The following SLC7A2 variants were observed in gnomAD, a reference collection of about 807,000 sequenced individuals.
The protein encoded by SLC7A2 is solute carrier family 7 member 2.
In SLC7A2, 48 loss-of-function variants were observed where a neutral mutation model predicts 58.9. That is an observed-to-expected ratio of 0.82 (90% CI 0.65 to 1.04). The LOEUF is 1.04. Ranked by LOEUF, SLC7A2 falls within the 50% of genes least tolerant of loss-of-function variation. SLC7A2 has a pLI of 0.00. For missense variants in SLC7A2, 1,029 were observed against 818.8 expected (o/e 1.26, Z -3.13); for synonymous variants, 363 against 314.5 (o/e 1.15, Z -1.63).
Position 17,568,362 on chromosome 8 carries a change from G to A in SLC7A2, c.*3216G>A, listed in dbSNP as rs1803362729. 6.6e-6 allele frequency: 1 copy of A among 151,940 alleles called. No homozygotes were observed. Among genetic ancestry groups the A allele is most frequent in the African/African-American group, 2.4e-5 (1 of 41,378 alleles). The allele number at this position is 151,940 out of a possible 1,614,324, so 9.4% of individuals were successfully genotyped here. A position where few individuals can be genotyped will look rare whatever the true frequency, so the allele number is the denominator to read the frequency against. On this transcript the variant is annotated 3_prime_UTR_variant, in exon 13 of 13. Coordinates refer to ENST00000494857, the MANE Select transcript of SLC7A2 (RefSeq NM_001370338.1). ...GAGGAAAACTTATATTAGAACTTTTGATATATACTAAAATACTGATTATCT... is the reference window on the plus strand; with the variant it reads ...GAGGAAAACTTATATTAGAACTTTTAATATATACTAAAATACTGATTATCT...
In SLC7A2 at chr8:17,565,255, A is replaced by G. The variant is rs569984863; in HGVS notation, c.*109A>G. On this transcript the variant is annotated 3_prime_UTR_variant, in exon 13 of 13. Coordinates refer to ENST00000494857, the MANE Select transcript of SLC7A2 (RefSeq NM_001370338.1). ...GGGTTGTCATGGGTTTGCTGCATAC[A>G]TAGTTCACCCTAATTTATACTTACT... 161 of 808,672 alleles carry G rather than the reference A, an allele frequency of 2.0e-4. No individual in the cohort carries two copies. The highest frequency in any genetic ancestry group is 2.0e-4 in the Non-Finnish European group (104 of 514,300). The allele number at this position is 808,672 out of a possible 1,614,324, so 50.1% of individuals were successfully genotyped here.
At chr8:17,497,816 G>T (rs1044712073) in intron 1 of SLC7A2, among the ~76,000 whole-genome samples, 1 of 152,206 alleles carries the variant, frequency 6.6e-6, no homozygotes, top group Non-Finnish European at 1.5e-5. Flanking sequence ...GTATTTTAAA[G>T]TAACTGGGTG....
chr8:17,558,971 A>T (rs1181569250), intron 9 of SLC7A2, among the ~76,000 whole-genome samples: 1 of 152,362 alleles, frequency 6.6e-6, no homozygotes, highest in South Asian at 2.1e-4. Flanking sequence ...GAAATCATAT[A>T]TGCCGATATA....
chr8:17,562,216 G>A, intron 11 of SLC7A2, 106 bp downstream of exon 11: 1 of 608,636 alleles, frequency 1.6e-6, no homozygotes, highest in Non-Finnish European at 2.4e-6. Flanking sequence ...TTTTTTTTTT[G>A]GAGATGGAAT....
At chr8:17,532,312 T>G (rs997863693) in intron 2 of SLC7A2, among the ~76,000 whole-genome samples, 6 of 131,456 alleles carry the variant, frequency 4.6e-5, no homozygotes, top group Admixed American at 1.6e-4. Flanking sequence ...TAGTCATGGC[T>G]TTCCCCAGGA....
chr8:17,525,773 C>T (rs930263029), intron 2 of SLC7A2, among the ~76,000 whole-genome samples: 4 of 152,186 alleles, frequency 2.6e-5, no homozygotes, highest in Admixed American at 1.3e-4. Context: ...CCAGCACATT[C>T]CTGCAAGCGG....
intron 2 of SLC7A2, among the ~76,000 whole-genome samples, chr8:17,506,820 G>A (rs1352960068): frequency 2.7e-5 from 4 of 149,916 alleles, no homozygotes; most frequent in African/African-American, 7.4e-5. Context: ...GCGCAATCTC[G>A]GCTCATGTGA....
chr8:17,551,682 G>A (rs1251255962), intron 6 of SLC7A2, 82 bp from the exon 7 acceptor site: 4 of 1,004,124 alleles, frequency 4.0e-6, no homozygotes, highest in African/African-American at 3.2e-5. Context: ...CCCTGGAGAA[G>A]AGGAAGAATT....
chr8:17,547,042 T>A (rs1298259732), intron 4 of SLC7A2, among the ~76,000 whole-genome samples: 1 of 152,198 alleles, frequency 6.6e-6, no homozygotes, highest in Non-Finnish European at 1.5e-5. Context: ...CATAATCTGT[T>A]GTACATGGCA....
In SLC7A2 at chr8:17,553,809, A is replaced by G. The variant is rs148905558; in HGVS notation, c.1056-751A>G. The stretch of plus-strand genomic sequence containing the variant: ...AATAAATCAATAAGAAGGATTTTTA[A>G]ATAAAATACTTTTTTTGTTTTCTCT... On this transcript the variant is annotated intron_variant, in intron 7 of 12. Transcript: ENST00000494857. Among the ~76,000 whole-genome samples, 806 of 152,324 alleles carry G rather than the reference A, an allele frequency of 5.3e-3. 6 individuals carry two copies. The highest frequency in any genetic ancestry group is 0.018 in the African/African-American group (728 of 41,560).
intron 2 of SLC7A2, chr8:17,511,242 T>C (rs1800592230): frequency 1.3e-5 from 2 of 152,130 alleles, no homozygotes; most frequent in Admixed American, 6.6e-5. Flanking sequence ...TCTGCACTTA[T>C]ATCCTGGAAC....
intron 2 of SLC7A2, among the ~76,000 whole-genome samples, chr8:17,532,229 C>CA (rs534441508): frequency 0.049 from 2,274 of 46,110 alleles, 303 homozygotes; most frequent in African/African-American, 0.2. Context: ...GACTCTATCT[C>CA]AAAAAAAAAA....
chr8:17,511,323 G>A (rs981576489), intron 2 of SLC7A2: 6 of 152,088 alleles, frequency 3.9e-5, no homozygotes, highest in Non-Finnish European at 8.8e-5. Context: ...TTCATCCCTA[G>A]TCCTGCAGCG....
intron 8 of SLC7A2, 99 bp downstream of exon 8, chr8:17,554,798 CAAG>C: frequency 6.9e-7 from 1 of 1,453,734 alleles, no homozygotes; most frequent in East Asian, 2.3e-5. Context: ...TTTTGATTTC[CAAG>C]AAGTTCAGTC....
intron 2 of SLC7A2, among the ~76,000 whole-genome samples, chr8:17,529,720 C>A (rs1005169524): frequency 6.6e-6 from 1 of 151,856 alleles, no homozygotes; most frequent in East Asian, 1.9e-4. Flanking sequence ...TTTTTAGTAA[C>A]GATGGGGTTT....
At chr8:17,543,189 AACACACACAC>A (rs112878892) in intron 2 of SLC7A2, 119 bp from the exon 3 acceptor site, 21 of 673,584 alleles carry the variant, frequency 3.1e-5, no homozygotes, top group Middle Eastern at 4.3e-4. Flanking sequence ...TAACAAGTGA[AACACACACAC>A]ACACACACAC....
At chr8:17,523,709 A>G (rs1801107930) in intron 2 of SLC7A2, among the ~76,000 whole-genome samples, 1 of 152,204 alleles carries the variant, frequency 6.6e-6, no homozygotes, top group Non-Finnish European at 1.5e-5. Context: ...TTAGGCAAAG[A>G]GTTCATGACC....
At chr8:17,559,033 C>G (rs1441185243) in intron 9 of SLC7A2, among the ~76,000 whole-genome samples, 2 of 152,162 alleles carry the variant, frequency 1.3e-5, no homozygotes, top group African/African-American at 2.4e-5. Flanking sequence ...GTGATTAACA[C>G]TGGCTGATGG....
chr8:17,509,675 C>T (rs953530973), intron 2 of SLC7A2, among the ~76,000 whole-genome samples: 2 of 152,042 alleles, frequency 1.3e-5, no homozygotes, highest in South Asian at 2.1e-4. Flanking sequence ...TTTATTTTTT[C>T]GCCTCCAACA....
Sources: allele counts gnomAD v4.1 joint callset (sites outside exome capture counted in the v4.1 genomes callset), GRCh38; gene constraint gnomAD v4.1.1; transcripts MANE v1.5; gene names NCBI Gene and HGNC (gene_info 2026-07-23, HGNC 2026-07-21).